The following CEP152 variants were observed in gnomAD, a reference collection of about 807,000 sequenced individuals.
CEP152 encodes centrosomal protein of 152 kDa.
CEP152 carries 132 observed loss-of-function variants against 188.9 expected under a neutral mutation model. That is an observed-to-expected ratio of 0.70 (90% CI 0.61 to 0.81). The LOEUF is 0.81. Among genes scored for constraint, CEP152 ranks in the 30% least tolerant of loss-of-function variants. The pLI is 0.00. For missense variants in CEP152, 1,914 were observed against 1,969.8 expected (o/e 0.97, Z 0.54); for synonymous variants, 649 against 666.6 (o/e 0.97, Z 0.41).
chr15:48,805,174 TG>T (rs1897896798), intron 2 of CEP152, among the ~76,000 whole-genome samples: 1 of 152,224 alleles, frequency 6.6e-6, no homozygotes, highest in Non-Finnish European at 1.5e-5. Context: ...TTTACTCACT[TG>T]TTTACTTGTT....
intron 22 of CEP152, among the ~76,000 whole-genome samples, chr15:48,745,677 TG>T (rs939044230): frequency 4.6e-5 from 7 of 151,882 alleles, no homozygotes; most frequent in African/African-American, 1.7e-4. Flanking sequence ...TTCTTAAGGG[TG>T]GGGAGATTAC....
intron 22 of CEP152, among the ~76,000 whole-genome samples, chr15:48,746,673 G>A (rs912699266): frequency 6.6e-6 from 1 of 152,096 alleles, no homozygotes; most frequent in African/African-American, 2.4e-5. Context: ...TATTTCCCGA[G>A]TTGTGCTATG....
At chr15:48,808,049 T>C (rs1044496986) in intron 1 of CEP152, among the ~76,000 whole-genome samples, 1 of 152,052 alleles carries the variant, frequency 6.6e-6, no homozygotes, top group Non-Finnish European at 1.5e-5. Context: ...ATCAGAACTA[T>C]AAACTATAAA....
rs1896850151 is a variant in CEP152, at chr15:48,789,076, T to C, written c.973-75A>G. 3 of 1,278,432 alleles carry C rather than the reference T, an allele frequency of 2.3e-6. No homozygotes were observed. In the South Asian group the frequency reaches 3.6e-5, roughly 15 times the overall value. The allele number at this position is 1,278,432 out of a possible 1,614,324, so 79.2% of individuals were successfully genotyped here. A position where few individuals can be genotyped will look rare whatever the true frequency, so the allele number is the denominator to read the frequency against. On this transcript the variant is annotated intron_variant, in intron 8 of 26. Coordinates refer to ENST00000380950, the MANE Select transcript of CEP152 (RefSeq NM_001194998.2). ...TTAGCTCTGTGCTGTCTATAAACTT[T>C]TACTTTTACTATAAAATAAAACTCA...
At chr15:48,757,878 G>C (rs1894391168) in intron 19 of CEP152, among the ~76,000 whole-genome samples, 1 of 152,210 alleles carries the variant, frequency 6.6e-6, no homozygotes, top group Admixed American at 6.5e-5. Flanking sequence ...TGGATGCCTG[G>C]AAGTCATTCC....
Position 48,756,063 on chromosome 15 carries a change from A to G in CEP152, c.3185T>C (p.Ile1062Thr), listed in dbSNP as rs1178733679. ...VLLSDTQKEH[I>T]SDSEDKQLLE... ...AAGCTGCTTGTCCTCAGAATCACTGATGTGCTCCTTTTGGGTATCACTTAA... is the reference window on the plus strand; with the variant it reads ...AAGCTGCTTGTCCTCAGAATCACTGGTGTGCTCCTTTTGGGTATCACTTAA... The change falls in exon 20 of 27, where the codon ATC becomes ACC. Residue 1062 changes from isoleucine to threonine, a missense_variant. By Grantham distance (89) the Ile-to-Thr change is moderately conservative. Transcript: ENST00000380950. 1 of 1,614,000 alleles carries G rather than the reference A, an allele frequency of 6.2e-7. No individual in the cohort carries two copies. Among genetic ancestry groups the G allele is most frequent in the Non-Finnish European group, 8.5e-7 (1 of 1,180,000 alleles).
chr15:48,766,909 T>G (rs1808397713), intron 17 of CEP152, 151 bp downstream of exon 17: 16 of 915,604 alleles, frequency 1.7e-5, no homozygotes, highest in Non-Finnish European at 2.6e-5. Context: ...ATTTTATTTG[T>G]GAGCTATATG....
chr15:48,798,057 T>A lies in CEP152; in HGVS notation c.88-6A>T, dbSNP rs1464151064. ...TCTGTGAGTAACTGCTGCAACTGAG[T>A]CAAAAGGTCTGCATCAATATCATAC... On this transcript the variant is annotated splice_polypyrimidine_tract_variant and splice_region_variant and intron_variant, in intron 2 of 26. Coordinates refer to ENST00000380950, the MANE Select transcript of CEP152 (RefSeq NM_001194998.2). The A allele has an allele frequency of 1.9e-6, 3 of 1,610,162 alleles. No homozygotes were observed. The Admixed American group carries it at 5.0e-5, about 27-fold the overall frequency.
At chr15:48,766,707 AC>A in intron 17 of CEP152, among the ~76,000 whole-genome samples, 1 of 152,286 alleles carries the variant, frequency 6.6e-6, no homozygotes, top group African/African-American at 2.4e-5. Flanking sequence ...TGCAGCGCTC[AC>A]AGGACTACAT....
chr15:48,770,007 C>T (rs972215363), intron 13 of CEP152, among the ~76,000 whole-genome samples: 2 of 152,178 alleles, frequency 1.3e-5, no homozygotes, highest in African/African-American at 4.8e-5. Context: ...AAAGTGGAAC[C>T]TCTTATATAC....
In CEP152 at chr15:48,741,622, G is replaced by C. The variant is rs149478199; in HGVS notation, c.4072C>G (p.Gln1358Glu). ...LLETPISSKS[Q>E]SKTTQSALPL... ...ATACCTGACTGTGTAGTTTTGCTTT[G>C]GGACTTACTAGAAATAGGTGTTTCC... The change falls in exon 26 of 27, where the codon CAA becomes GAA. Residue 1358 changes from glutamine to glutamate, a missense_variant. Coordinates refer to ENST00000380950, the MANE Select transcript of CEP152 (RefSeq NM_001194998.2). The C allele has an allele frequency of 3.7e-4, 596 of 1,614,074 alleles. 4 individuals are homozygous for C. The African/African-American group carries it at 7.0e-3, about 19-fold the overall frequency.
chr15:48,800,640 T>C (rs1202314548), intron 2 of CEP152, among the ~76,000 whole-genome samples: 1 of 152,236 alleles, frequency 6.6e-6, no homozygotes, highest in Non-Finnish European at 1.5e-5. Context: ...TGATAAGATT[T>C]AATACCACTC....
rs1376927760 is a variant in CEP152 at position 48,739,246 on chromosome 15, G to T, written c.4136C>A (p.Ser1379Ter). 1.9e-6 allele frequency: 3 copies of T among 1,612,840 alleles called. No homozygotes were observed. The highest frequency in any genetic ancestry group is 2.2e-5 in the East Asian group (1 of 44,872). Residue 1379 changes from serine (S) to a stop codon, truncating the protein, a stop_gained, in exon 27 of 27, where the codon TCA becomes TAA. Transcript: ENST00000380950. LOFTEE classifies it low-confidence loss of function (END_TRUNC). ...TSEMLIAVKK[S>*]KRNDVNQKIP... The stretch of plus-strand genomic sequence containing the variant: ...TTTCTGATTCACATCATTTCTTTTT[G>T]ATTTTTTAACTGCAATCAGCATCTC...
chr15:48,775,500 T>C (rs1895833334), intron 12 of CEP152, among the ~76,000 whole-genome samples: 1 of 152,152 alleles, frequency 6.6e-6, no homozygotes, highest in Non-Finnish European at 1.5e-5. Context: ...TGGACCAACA[T>C]AGCTTTAATG....
At chr15:48,762,745 A>G in intron 17 of CEP152, 73 bp from the exon 18 acceptor site, 1 of 1,473,090 alleles carries the variant, frequency 6.8e-7, no homozygotes, top group Non-Finnish European at 9.3e-7. Flanking sequence ...AAAGCTAGCC[A>G]GAAAAGCAAC....
chr15:48,787,539 T>C (rs1238786095), intron 9 of CEP152, among the ~76,000 whole-genome samples: 1 of 151,986 alleles, frequency 6.6e-6, no homozygotes, highest in Non-Finnish European at 1.5e-5. Context: ...ATAAAATAAA[T>C]ACATAATGAA....
At chr15:48,790,768 A>T (rs1896942750) in intron 8 of CEP152, among the ~76,000 whole-genome samples, 1 of 152,086 alleles carries the variant, frequency 6.6e-6, no homozygotes, top group Admixed American at 6.5e-5. Context: ...GGGTTTCACA[A>T]TGTTGGCCAG....
Position 48,744,273 on chromosome 15 carries a change from C to G in CEP152, c.3802G>C (p.Gly1268Arg), listed in dbSNP as rs1357652168. Residue 1268 changes from glycine (G) to arginine (R), a missense_variant, in exon 24 of 27, where the codon GGG becomes CGG. Physicochemically the swap from Gly to Arg is moderately radical, Grantham distance 125 (BLOSUM62 -2). Coordinates refer to ENST00000380950, the MANE Select transcript of CEP152 (RefSeq NM_001194998.2). ...TTTTTTACAGCTTTAATGTACTGCC[C>G]ACGAAGTTCTTCCAAGGCTCCCCCA... ...CSGGALEELRGQYIKAVKKIK... is the reference protein window; with the variant it reads ...CSGGALEELRRQYIKAVKKIK... 1 of 1,613,932 alleles carries G rather than the reference C, an allele frequency of 6.2e-7. No individual in the cohort carries two copies. The highest frequency in any genetic ancestry group is 1.7e-5 in the Admixed American group (1 of 60,004).
chr15:48,745,869 G>T (rs558515146), intron 22 of CEP152, among the ~76,000 whole-genome samples: 2 of 152,078 alleles, frequency 1.3e-5, no homozygotes, highest in African/African-American at 2.4e-5. Context: ...TTAACTTACA[G>T]ATTATAATAG....
Sources: gnomAD v4.1 joint callset for allele counts (sites outside exome capture counted in the v4.1 genomes callset) on GRCh38, gnomAD v4.1.1 for gene constraint, MANE v1.5 for transcripts, NCBI Gene and HGNC (gene_info 2026-07-23, HGNC 2026-07-21) for gene names.